The following EPM2A variants were observed in gnomAD, a reference collection of about 807,000 sequenced individuals.
EPM2A encodes laforin.
In EPM2A, 21 loss-of-function variants were observed where a neutral mutation model predicts 26.5. The observed-to-expected ratio is 0.79, with a 90% CI of 0.56 to 1.14. The LOEUF is 1.14. Ranked by LOEUF, EPM2A falls within the 50% of genes most tolerant of loss-of-function variation. EPM2A has a pLI of 0.00. For synonymous variants in EPM2A, 217 were observed against 177.6 expected (o/e 1.22, Z -1.76); for missense variants, 458 against 440.8 (o/e 1.04, Z -0.35).
At chr6:145,432,601 T>G (rs894853349) in intron 4 of EPM2A, among the ~76,000 whole-genome samples, 1 of 151,932 alleles carries the variant, frequency 6.6e-6, no homozygotes, top group African/African-American at 2.4e-5. Context: ...CTTGTTCCAT[T>G]TATAGAGCAC....
intron 2 of EPM2A, among the ~76,000 whole-genome samples, chr6:145,504,116 C>G (rs1166041276): frequency 7.3e-6 from 1 of 136,286 alleles, no homozygotes; most frequent in African/African-American, 2.7e-5. Flanking sequence ...AAGACTTAAA[C>G]GTTAGACCTA....
rs185217930 is a variant in EPM2A, at chr6:145,659,077, C to T, written c.477-23591G>A. On this transcript the variant is annotated intron_variant, in intron 2 of 3. Transcript: ENST00000367519. ...AACTAAAAATGATTAATATAGGTCA[C>T]TTCCTAGAAGCTATTACTATGTCTT... Among the ~76,000 whole-genome samples the T allele has an allele frequency of 3.7e-4, 56 of 152,310 alleles. 2 individuals are homozygous for T. The highest frequency in any genetic ancestry group is 3.1e-3 in the Admixed American group (47 of 15,298).
At chr6:145,386,295 T>A (rs1044083801) in intron 4 of EPM2A, among the ~76,000 whole-genome samples, 4 of 152,132 alleles carry the variant, frequency 2.6e-5, no homozygotes, top group Non-Finnish European at 2.9e-5. Flanking sequence ...CCTGCTATAC[T>A]ACGTATGGAC....
At chr6:145,431,908 T>C (rs1243021085) in intron 4 of EPM2A, among the ~76,000 whole-genome samples, 1 of 152,232 alleles carries the variant, frequency 6.6e-6, no homozygotes, top group Non-Finnish European at 1.5e-5. Flanking sequence ...ACTAAGATTA[T>C]GTAATATTCT....
intron 2 of EPM2A, among the ~76,000 whole-genome samples, chr6:145,665,708 C>T (rs1156800764): frequency 1.5e-5 from 2 of 134,866 alleles, no homozygotes; most frequent in African/African-American, 2.8e-5. Context: ...AGAGACACAA[C>T]CAAAAAAGAG....
At chr6:145,524,722 T>C (rs1018755033) in intron 2 of EPM2A, among the ~76,000 whole-genome samples, 24 of 152,190 alleles carry the variant, frequency 1.6e-4, no homozygotes, top group African/African-American at 5.3e-4. Flanking sequence ...GTAGGTTGTC[T>C]GTTTACTCTA....
chr6:145,592,463 A>G (rs1781287559), intron 2 of EPM2A, among the ~76,000 whole-genome samples: 1 of 152,178 alleles, frequency 6.6e-6, no homozygotes, highest in Admixed American at 6.5e-5. Context: ...TAGTGCCACA[A>G]TAAACATACT....
chr6:145,506,072 T>G (rs1459151085), intron 2 of EPM2A, among the ~76,000 whole-genome samples: 1 of 152,210 alleles, frequency 6.6e-6, no homozygotes, highest in African/African-American at 2.4e-5. Context: ...GTTTTATTAC[T>G]TACAATTGGT....
chr6:145,705,288 A>AAAAC (rs534811242), intron 1 of EPM2A, among the ~76,000 whole-genome samples: 2 of 152,182 alleles, frequency 1.3e-5, no homozygotes, highest in African/African-American at 2.4e-5. Context: ...GTCTCTACCA[A>AAAAC]AAACAAACAA....
chr6:145,554,710 C>A (rs1460634802), intron 2 of EPM2A, among the ~76,000 whole-genome samples: 2 of 152,140 alleles, frequency 1.3e-5, no homozygotes, highest in East Asian at 3.9e-4. Context: ...CCTCATATAG[C>A]CACCAGTCTC....
intron 2 of EPM2A, among the ~76,000 whole-genome samples, chr6:145,652,060 C>A (rs1054619117): frequency 6.6e-6 from 1 of 152,090 alleles, no homozygotes; most frequent in South Asian, 2.1e-4. Context: ...TTCAAACTTA[C>A]TTATAAGATA....
chr6:145,731,127 C>T (rs777026988), intron 1 of EPM2A, among the ~76,000 whole-genome samples: 34 of 152,082 alleles, frequency 2.2e-4, no homozygotes, highest in Non-Finnish European at 3.8e-4. Context: ...AATTATCCCA[C>T]CTCATGATCA....
intron 1 of EPM2A, among the ~76,000 whole-genome samples, 176 bp from the exon 2 acceptor site, chr6:145,686,472 TAA>T (rs1411956522): frequency 6.6e-6 from 1 of 152,184 alleles, no homozygotes; most frequent in Non-Finnish European, 1.5e-5. Flanking sequence ...TAGGAATTTG[TAA>T]AGAGCTACTT....
chr6:145,529,215 AT>A (rs1780320749), intron 2 of EPM2A, among the ~76,000 whole-genome samples: 1 of 152,184 alleles, frequency 6.6e-6, no homozygotes, highest in Non-Finnish European at 1.5e-5. Flanking sequence ...TATTTTATAA[AT>A]TTAGTTGATA....
At chr6:145,709,863 G>A (rs1159104742) in intron 1 of EPM2A, among the ~76,000 whole-genome samples, 2 of 152,066 alleles carry the variant, frequency 1.3e-5, no homozygotes, top group African/African-American at 4.8e-5. Flanking sequence ...ACAAGAAATG[G>A]GGAAAAGATT....
intron 4 of EPM2A, among the ~76,000 whole-genome samples, chr6:145,476,529 T>G (rs973815531): frequency 4.6e-5 from 7 of 152,090 alleles, no homozygotes; most frequent in African/African-American, 1.7e-4. Flanking sequence ...TGGATCATTC[T>G]CAAGAACAGA....
chr6:145,629,058 A>T (rs879869454), intron 3 of EPM2A: 1 of 152,328 alleles, frequency 6.6e-6, no homozygotes, highest in Non-Finnish European at 1.5e-5. Flanking sequence ...CATGGAAGCC[A>T]GGATAATATT....
intron 2 of EPM2A, among the ~76,000 whole-genome samples, chr6:145,554,196 G>A (rs961867639): frequency 2.0e-5 from 3 of 151,860 alleles, no homozygotes; most frequent in East Asian, 1.9e-4. Context: ...ATCCCCTAAC[G>A]ATGGAAGTAC....
intron 2 of EPM2A, among the ~76,000 whole-genome samples, chr6:145,572,790 G>A (rs1229654988): frequency 3.3e-5 from 5 of 152,210 alleles, no homozygotes; most frequent in Non-Finnish European, 5.9e-5. Flanking sequence ...TTGCACAGCA[G>A]CCTGGACCTG....
Sources: allele counts gnomAD v4.1 joint callset (sites outside exome capture counted in the v4.1 genomes callset), GRCh38; gene constraint gnomAD v4.1.1; transcripts MANE v1.5; gene names NCBI Gene and HGNC (gene_info 2026-07-23, HGNC 2026-07-21).